The following PCDHA6 variants were observed in gnomAD, a reference collection of about 807,000 sequenced individuals.
The protein encoded by PCDHA6 is protocadherin alpha 6.
PCDHA6 carries 55 observed loss-of-function variants against 60.3 expected under a neutral mutation model. The observed-to-expected ratio is 0.91, with a 90% confidence interval of 0.73 to 1.14. The LOEUF (loss-of-function observed/expected upper bound fraction) is 1.14. PCDHA6 is among the 50% of genes most tolerant of loss of function. The pLI, the probability that PCDHA6 is intolerant of heterozygous loss-of-function variation, is 0.00. For synonymous variants in PCDHA6, 652 were observed against 557.9 expected (o/e 1.17, Z -2.38); for missense variants, 1,327 against 1,256.5 (o/e 1.06, Z -0.85).
intron 1 of PCDHA6, chr5:140,842,493 C>T (rs1554139100): frequency 6.2e-7 from 1 of 1,613,738 alleles, no homozygotes; most frequent in Non-Finnish European, 8.5e-7. Context: ...TCCCTGATGC[C>T]CCATGTCCCC....
At chr5:140,890,276 TC>T (rs1173106367) in intron 1 of PCDHA6, among the ~76,000 whole-genome samples, 2 of 152,136 alleles carry the variant, frequency 1.3e-5, no homozygotes, top group Non-Finnish European at 2.9e-5. Context: ...CAAGAACCAC[TC>T]AGTTGAGTCA....
intron 1 of PCDHA6, among the ~76,000 whole-genome samples, chr5:140,886,142 TA>T (rs1473876165): frequency 6.6e-6 from 1 of 152,180 alleles, no homozygotes; most frequent in African/African-American, 2.4e-5. Flanking sequence ...AGATTCTTGA[TA>T]TCACCTTTTT....
chr5:140,876,022 A>G lies in PCDHA6; in HGVS notation c.2394+45537A>G, dbSNP rs782132751. ...TGAGAATTTTGAGCTTAAAATAAAA[A>G]CAAAAAAAGATAAAAGTATATTGCC... On this transcript the variant is annotated intron_variant, in intron 1 of 3. Coordinates refer to ENST00000529310, the MANE Select transcript of PCDHA6 (RefSeq NM_018909.4). 1.7e-5 allele frequency: 28 copies of G among 1,613,632 alleles called. No homozygotes were observed. The highest frequency in any genetic ancestry group is 2.2e-5 in the Non-Finnish European group (26 of 1,179,850).
In PCDHA6 at chr5:140,870,873, G is replaced by A. The variant is rs782065354; in HGVS notation, c.2394+40388G>A. 5 of 1,613,840 alleles carry A rather than the reference G, an allele frequency of 3.1e-6. No individual in the cohort carries two copies. The Admixed American group carries it at 5.0e-5, about 16-fold the overall frequency. On this transcript the variant is annotated intron_variant, in intron 1 of 3. Transcript: ENST00000529310. ...GGTCGGTGGGTGCGGGCCACGTGGTGGCGAAGGTGCGCGCAGTGGATGCGG... is the reference window on the plus strand; with the variant it reads ...GGTCGGTGGGTGCGGGCCACGTGGTAGCGAAGGTGCGCGCAGTGGATGCGG...
chr5:140,833,759 C>CAG (rs1336906298), intron 1 of PCDHA6, among the ~76,000 whole-genome samples: 1 of 151,910 alleles, frequency 6.6e-6, no homozygotes, highest in Non-Finnish European at 1.5e-5. Context: ...AAAACACACA[C>CAG]ACACACACCG....
intron 2 of PCDHA6, 90 bp downstream of exon 2, chr5:140,979,097 C>T (rs2096835129): frequency 9.0e-6 from 14 of 1,547,204 alleles, no homozygotes; most frequent in African/African-American, 1.4e-5. Context: ...AAGCAGCTGT[C>T]AAAACTAAAA....
chr5:140,882,577 C>G, intron 1 of PCDHA6: 3 of 1,614,238 alleles, frequency 1.9e-6, no homozygotes, highest in Non-Finnish European at 2.5e-6. Flanking sequence ...CGGAGTGCAG[C>G]ATCCACCTGG....
At chr5:140,974,372 G>A (rs782769705) in intron 1 of PCDHA6, among the ~76,000 whole-genome samples, 28 of 152,076 alleles carry the variant, frequency 1.8e-4, no homozygotes, top group Non-Finnish European at 4.0e-4. Flanking sequence ...AGCACTTTCT[G>A]TTGTACTGGA....
rs2150181675 is a variant in PCDHA6 at position 140,830,136 on chromosome 5, C to T, written c.2045C>T (p.Ala682Val). ...CAGGCTCCAAAGGCGTCATCACGGG[C>T]GTCGGTGGGCGCCGCGGGCCCAGAG... ...SGQAPKASSRASVGAAGPEAA... is the reference protein window; with the variant it reads ...SGQAPKASSRVSVGAAGPEAA... The change falls in exon 1 of 4, where the codon GCG becomes GTG. Residue 682 changes from alanine to valine, a missense_variant. Transcript: ENST00000529310. The T allele has an allele frequency of 1.9e-6, 3 of 1,613,258 alleles. No homozygotes were observed. Among genetic ancestry groups the T allele is most frequent in the Non-Finnish European group, 8.5e-7 (1 of 1,179,866 alleles).
At chr5:140,862,894 TTGTC>T (rs782757160) in intron 1 of PCDHA6, 2 of 559,636 alleles carry the variant, frequency 3.6e-6, no homozygotes, top group East Asian at 4.8e-5. Flanking sequence ...AACGACAACT[TTGTC>T]TGCGCTGCTG....
intron 1 of PCDHA6, among the ~76,000 whole-genome samples, chr5:140,897,595 A>C (rs2066215346): frequency 6.6e-6 from 1 of 152,132 alleles, no homozygotes; most frequent in Admixed American, 6.5e-5. Context: ...TCATTGTTGG[A>C]CATTTGGGTT....
chr5:140,850,089 C>G (rs2150466506), intron 1 of PCDHA6: 1 of 1,596,512 alleles, frequency 6.3e-7, no homozygotes, highest in Non-Finnish European at 8.6e-7. Flanking sequence ...GGAGCTGCTA[C>G]AGTTCCAGGT....
intron 3 of PCDHA6, among the ~76,000 whole-genome samples, chr5:141,000,713 C>G (rs570396356): frequency 6.6e-6 from 1 of 151,652 alleles, no homozygotes; most frequent in Non-Finnish European, 1.5e-5. Context: ...CAGGCATGAG[C>G]CACTGTGCCT....
In PCDHA6 at chr5:140,849,224, C is replaced by G; in HGVS notation, c.2394+18739C>G. The G allele has an allele frequency of 1.9e-6, 2 of 1,040,424 alleles. 1 individual carries two copies. The allele number at this position is 1,040,424 out of a possible 1,614,324, so 64.4% of individuals were successfully genotyped here. A position where few individuals can be genotyped will look rare whatever the true frequency, so the allele number is the denominator to read the frequency against. On this transcript the variant is annotated intron_variant, in intron 1 of 3. Coordinates refer to ENST00000529310, the MANE Select transcript of PCDHA6 (RefSeq NM_018909.4). ...ACAATGACAATGCCCCAGTGTTCGACAGAACCCTGTATACGGTGAAATTAC... is the reference window on the plus strand; with the variant it reads ...ACAATGACAATGCCCCAGTGTTCGAGAGAACCCTGTATACGGTGAAATTAC...
intron 1 of PCDHA6, chr5:140,870,953 C>A: frequency 1.2e-6 from 2 of 1,613,668 alleles, no homozygotes; most frequent in Non-Finnish European, 1.7e-6. Flanking sequence ...GCGGGCGGCT[C>A]GCGCATCCCG....
intron 1 of PCDHA6, among the ~76,000 whole-genome samples, chr5:140,897,728 A>G (rs1554187548): frequency 6.6e-6 from 1 of 152,092 alleles, no homozygotes; most frequent in Non-Finnish European, 1.5e-5. Flanking sequence ...TGGGTCAAAT[A>G]GTATTTCTAG....
intron 1 of PCDHA6, among the ~76,000 whole-genome samples, chr5:140,946,634 A>ATAT (rs1554217761): frequency 1.4e-5 from 2 of 147,350 alleles, no homozygotes; most frequent in Non-Finnish European, 3.0e-5. Context: ...ATATATATAC[A>ATAT]ATGGAATACT....
intron 1 of PCDHA6, among the ~76,000 whole-genome samples, chr5:140,943,674 A>G (rs1401531217): frequency 6.6e-6 from 1 of 152,240 alleles, no homozygotes; most frequent in Non-Finnish European, 1.5e-5. Context: ...TAAAGTGTGA[A>G]AAAAAGGGAT....
intron 1 of PCDHA6, among the ~76,000 whole-genome samples, chr5:140,925,197 A>G (rs1259349657): frequency 1.3e-5 from 2 of 152,310 alleles, no homozygotes; most frequent in East Asian, 3.9e-4. Context: ...CCCAGCTTCA[A>G]TAATTATCGA....
Sources: gnomAD v4.1 joint callset for allele counts (sites outside exome capture counted in the v4.1 genomes callset) on GRCh38, gnomAD v4.1.1 for gene constraint, MANE v1.5 for transcripts, NCBI Gene and HGNC (gene_info 2026-07-23, HGNC 2026-07-21) for gene names.